Variants in KIF5C observed in about 807,000 individuals in gnomAD.
KIF5C encodes the protein kinesin family member 5C.
A neutral mutation model predicts 125.2 loss-of-function variants in KIF5C; 18 were observed. The observed-to-expected ratio is 0.14, with a 90% CI of 0.10 to 0.21. KIF5C has a LOEUF of 0.21. KIF5C is among the 10% of genes least tolerant of loss of function. KIF5C has a pLI of 1.00. For synonymous variants in KIF5C, 405 were observed against 434.0 expected (o/e 0.93, Z 0.83); for missense variants, 780 against 1,183.8 (o/e 0.66, Z 5.01).
chr2:148,988,750 G>A (rs1345403708), intron 15 of KIF5C, among the ~76,000 whole-genome samples: 4 of 152,198 alleles, frequency 2.6e-5, no homozygotes, highest in South Asian at 2.1e-4. Context: ...CTCACCCAGT[G>A]TCTCCATGCC....
chr2:148,893,039 C>A (rs1447531303), intron 1 of KIF5C, among the ~76,000 whole-genome samples: 1 of 152,148 alleles, frequency 6.6e-6, no homozygotes, highest in Admixed American at 6.5e-5. Flanking sequence ...ATACTTAGAA[C>A]CCTTGTCTCG....
Position 148,875,575 on chromosome 2 carries a change from G to GCCCCCCCCCCCACCCCCCCCC in KIF5C, c.-37_-36insCCCCCACCCCCCCCCCCCCCC. ...TCCTCCCTCGTCGTTCCCGGCCCCG[G>GCCCCCCCCCCCACCCCCCCCC]CCCCCCACCCATCCCCGTGCCCCCT... On this transcript the variant is annotated 5_prime_UTR_variant, in exon 1 of 26. Coordinates refer to ENST00000435030, the MANE Select transcript of KIF5C (RefSeq NM_004522.3). 1.4e-6 allele frequency: 1 copy of GCCCCCCCCCCCACCCCCCCCC among 699,606 alleles called. No homozygotes were observed. 43.3% of individuals were successfully genotyped at this position (699,606 alleles called of 1,614,324 possible).
At chr2:148,892,425 C>G (rs576769743) in intron 1 of KIF5C, among the ~76,000 whole-genome samples, 1 of 152,208 alleles carries the variant, frequency 6.6e-6, no homozygotes, top group East Asian at 1.9e-4. Flanking sequence ...ACCGATTAGA[C>G]TGAGACGTAA....
At chr2:148,994,567 A>C (rs1681614165) in intron 17 of KIF5C, 29 bp downstream of exon 17, 2 of 1,550,102 alleles carry the variant, frequency 1.3e-6, no homozygotes, top group Non-Finnish European at 1.7e-6. Flanking sequence ...TGCAGGTGTC[A>C]AACACCTGGC....
chr2:148,905,850 G>T (rs911469142), intron 1 of KIF5C, among the ~76,000 whole-genome samples: 1 of 152,130 alleles, frequency 6.6e-6, no homozygotes, highest in South Asian at 2.1e-4. Flanking sequence ...CATGGTGGAA[G>T]GTGAAAGGCA....
rs1162976819 is a variant in KIF5C at position 148,876,447 on chromosome 2, T to G, written c.126+704T>G. Among the ~76,000 whole-genome samples, 1 of 152,170 alleles carries G rather than the reference T, an allele frequency of 6.6e-6. No homozygotes were observed. The highest frequency in any genetic ancestry group is 2.4e-5 in the African/African-American group (1 of 41,440). The stretch of plus-strand genomic sequence containing the variant: ...CCCCTCTGGGATGACCTCCCTCCCA[T>G]GTCTGCAGACCCTCTGATGCGCCTC... On this transcript the variant is annotated intron_variant, in intron 1 of 25. Transcript: ENST00000435030. The surrounding 1 kb of genome is among the most constrained non-coding windows in gnomAD (Gnocchi z 4.7).
chr2:148,963,155 AG>A (rs1434871788), intron 11 of KIF5C, among the ~76,000 whole-genome samples: 161 of 144,326 alleles, frequency 1.1e-3, no homozygotes, highest in African/African-American at 4.1e-3. Context: ...AGAAGGTAGA[AG>A]GCTTTTTTTT....
At chr2:149,003,408 C>G (rs1681915092) in intron 21 of KIF5C, among the ~76,000 whole-genome samples, 1 of 152,250 alleles carries the variant, frequency 6.6e-6, no homozygotes, top group Non-Finnish European at 1.5e-5. Flanking sequence ...CCCCGGGCAG[C>G]TGACTGGCTG....
At chr2:148,986,188 T>A (rs772989467) in intron 15 of KIF5C, among the ~76,000 whole-genome samples, 3 of 152,122 alleles carry the variant, frequency 2.0e-5, no homozygotes, top group Non-Finnish European at 2.9e-5. Flanking sequence ...AAATCAGGAG[T>A]GTCTGGGTGC....
rs1681271851 is a variant in KIF5C at position 148,910,086 on chromosome 2, T to G, written c.127-12051T>G. ...CAAAATGTGACATGAAAAATCCAAT[T>G]TAATTAAACAGCTATTAATGTAAGC... On this transcript the variant is annotated intron_variant, in intron 1 of 25. Transcript: ENST00000435030. Among the ~76,000 whole-genome samples, 4 of 152,148 alleles carry G rather than the reference T, an allele frequency of 2.6e-5. No individual in the cohort carries two copies. The South Asian group carries it at 8.3e-4, about 32-fold the overall frequency.
chr2:148,993,940 A>G (rs1217160174), intron 16 of KIF5C, among the ~76,000 whole-genome samples: 3 of 152,006 alleles, frequency 2.0e-5, no homozygotes, highest in African/African-American at 7.3e-5. Flanking sequence ...GATGGTGGGG[A>G]GGGAAAGCTT....
At chr2:148,972,429 A>G (rs941428990) in intron 11 of KIF5C, among the ~76,000 whole-genome samples, 2 of 152,208 alleles carry the variant, frequency 1.3e-5, no homozygotes, top group African/African-American at 2.4e-5. Flanking sequence ...TTTGCTTTCC[A>G]GGAAGATATT....
At chr2:149,009,438 C>T (rs1682115890) in intron 23 of KIF5C, among the ~76,000 whole-genome samples, 1 of 152,200 alleles carries the variant, frequency 6.6e-6, no homozygotes, top group Non-Finnish European at 1.5e-5. Context: ...AAAACTCCCT[C>T]CATCCATCTG....
intron 13 of KIF5C, 138 bp downstream of exon 13, chr2:148,979,128 C>T: frequency 8.8e-7 from 1 of 1,136,872 alleles, no homozygotes; most frequent in Non-Finnish European, 1.2e-6. Context: ...GTAGATGTCC[C>T]TTCACTGCCT....
At chr2:149,022,467 T>C (rs1050716076) in intron 25 of KIF5C, among the ~76,000 whole-genome samples, 3 of 151,928 alleles carry the variant, frequency 2.0e-5, no homozygotes, top group South Asian at 2.1e-4. Flanking sequence ...AACACTATTG[T>C]GTGAAAAAAA....
At chr2:148,977,012 T>C (rs562660755) in intron 12 of KIF5C, among the ~76,000 whole-genome samples, 2 of 152,242 alleles carry the variant, frequency 1.3e-5, no homozygotes, top group Non-Finnish European at 2.9e-5. Flanking sequence ...TTCTAAGAGA[T>C]GCAGTTGAAT....
At chr2:148,921,470 C>T (rs1199525671) in intron 1 of KIF5C, among the ~76,000 whole-genome samples, 2 of 152,206 alleles carry the variant, frequency 1.3e-5, no homozygotes, top group African/African-American at 2.4e-5. Context: ...CATTTAAGCA[C>T]ATCACCTTGG....
At chr2:148,976,289 A>T (rs1681069812) in intron 12 of KIF5C, among the ~76,000 whole-genome samples, 1 of 147,502 alleles carries the variant, frequency 6.8e-6, no homozygotes. Context: ...TTATTTTTTG[A>T]GATGGAGTCT....
At chr2:148,914,816 C>T (rs139617838) in intron 1 of KIF5C, among the ~76,000 whole-genome samples, 16 of 152,324 alleles carry the variant, frequency 1.1e-4, no homozygotes, top group African/African-American at 1.7e-4. Flanking sequence ...CCAGTTACAG[C>T]GTCATCCCAT....
Sources: allele counts gnomAD v4.1 joint callset (sites outside exome capture counted in the v4.1 genomes callset), GRCh38; gene constraint gnomAD v4.1.1; non-coding constraint Gnocchi (gnomAD v3.1); transcripts MANE v1.5; gene names NCBI Gene and HGNC (gene_info 2026-07-23, HGNC 2026-07-21).